Variants in KERA observed in about 807,000 individuals in gnomAD.
KERA encodes the protein keratocan.
A neutral mutation model predicts 26.4 loss-of-function variants in KERA; 25 were observed. That is an observed-to-expected ratio of 0.95 (90% CI 0.69 to 1.32). The LOEUF (loss-of-function observed/expected upper bound fraction) is 1.32, where lower values mean the gene tolerates loss of function less well. Ranked by LOEUF, KERA falls within the 40% of genes most tolerant of loss-of-function variation. KERA has a pLI of 0.00. For missense variants in KERA, 434 were observed against 408.9 expected (o/e 1.06, Z -0.53); for synonymous variants, 167 against 146.1 (o/e 1.14, Z -1.03).
intron 2 of KERA, among the ~76,000 whole-genome samples, chr12:91,053,772 T>C (rs1163352296): frequency 6.6e-6 from 1 of 151,344 alleles, no homozygotes; most frequent in East Asian, 2.0e-4. Flanking sequence ...TAAAGTCTTA[T>C]ACTTCTCAAC....
Position 91,056,000 on chromosome 12 carries a change from G to A in KERA, c.282C>T (p.Ala94=). Residue 94 remains alanine (A), a synonymous_variant, in exon 2 of 3, where the codon GCC becomes GCT. Transcript: ENST00000266719. ...TTAGATTTATCCATCTTAGCTGGGT[G>A]GCATTCTCAAATGGCTTTTCAGGAA... ...ETIPEKPFEN[A]TQLRWINLNK... 6.2e-7 allele frequency: 1 copy of A among 1,610,498 alleles called. No individual in the cohort carries two copies. Among genetic ancestry groups the A allele is most frequent in the Non-Finnish European group, 8.5e-7 (1 of 1,178,024 alleles).
chr12:91,056,660 A>G (rs1879012366), intron 1 of KERA, among the ~76,000 whole-genome samples: 1 of 151,250 alleles, frequency 6.6e-6, no homozygotes, highest in African/African-American at 2.4e-5. Context: ...TTAAAAACTC[A>G]AACTGGGAAT....
chr12:91,056,354 T>A (rs1190728498), intron 1 of KERA, 65 bp from the exon 2 acceptor site: 3 of 1,254,960 alleles, frequency 2.4e-6, no homozygotes, highest in Non-Finnish European at 3.5e-6. Flanking sequence ...ATTTTATACA[T>A]CAAAATGATC....
Position 91,050,680 on chromosome 12 carries a change from CAT to C in KERA, c.*664_*665del, listed in dbSNP as rs1263212408. On this transcript the variant is annotated 3_prime_UTR_variant, in exon 3 of 3. Transcript: ENST00000266719. Reference sequence around the variant, plus strand: ...TCCACAAGAAATGCATTATAATAAACATAAAATTTAGAACTTATAAGAATGCA... The same window carrying C: ...TCCACAAGAAATGCATTATAATAAACAAAATTTAGAACTTATAAGAATGCA... 2 of 151,904 alleles carry C rather than the reference CAT, an allele frequency of 1.3e-5. No homozygotes were observed. Among genetic ancestry groups the C allele is most frequent in the Non-Finnish European group, 3.0e-5 (2 of 67,678 alleles). 9.4% of individuals were successfully genotyped at this position (151,904 alleles called of 1,614,324 possible). A position where few individuals can be genotyped will look rare whatever the true frequency, so the allele number is the denominator to read the frequency against.
Position 91,051,071 on chromosome 12 carries a change from A to C in KERA, c.*275T>G, listed in dbSNP as rs920444089. 3.2e-5 allele frequency: 12 copies of C among 371,566 alleles called. No homozygotes were observed. Among genetic ancestry groups the C allele is most frequent in the Non-Finnish European group, 1.5e-5 (3 of 196,700 alleles). 23.0% of individuals were successfully genotyped at this position (371,566 alleles called of 1,614,324 possible). A position where few individuals can be genotyped will look rare whatever the true frequency, so the allele number is the denominator to read the frequency against. The stretch of plus-strand genomic sequence containing the variant: ...GTAATTGTTTTCTTTAGTGTTAATA[A>C]GCTATGGAAGAGACCAAAATAAAAC... On this transcript the variant is annotated 3_prime_UTR_variant, in exon 3 of 3. Transcript: ENST00000266719.
In KERA at chr12:91,055,636, T is replaced by C. The variant is rs1878979771; in HGVS notation, c.646A>G (p.Met216Val). Residue 216 changes from methionine (M) to valine (V), a missense_variant, in exon 2 of 3, where the codon ATG (methionine) becomes GTG (valine). By Grantham distance (21) the Met-to-Val change is conservative. Transcript: ENST00000266719. ...GAATTGTTGTCTAAAAACAACTGCA[T>C]TGTATTGGCTGGTAATCTTGGAGGC... ...NMPPRLPANTMQLFLDNNSIE... is the reference protein window; with the variant it reads ...NMPPRLPANTVQLFLDNNSIE... The C allele has an allele frequency of 6.2e-7, 1 of 1,611,170 alleles. No homozygotes were observed. The highest frequency in any genetic ancestry group is 2.2e-5 in the East Asian group (1 of 44,800).
At chr12:91,056,457 T>A (rs746552555) in intron 1 of KERA, among the ~76,000 whole-genome samples, 168 bp from the exon 2 acceptor site, 4 of 151,268 alleles carry the variant, frequency 2.6e-5, no homozygotes, top group Non-Finnish European at 4.4e-5. Context: ...AGGCACCATA[T>A]GCAAAGCATT....
chr12:91,054,238 T>C (rs537495911), intron 2 of KERA, among the ~76,000 whole-genome samples: 1 of 151,472 alleles, frequency 6.6e-6, no homozygotes, highest in South Asian at 2.1e-4. Context: ...GGAAAAATAG[T>C]CTGTTCCTAT....
chr12:91,057,120 A>C (rs1267360259), intron 1 of KERA, among the ~76,000 whole-genome samples: 1 of 150,590 alleles, frequency 6.6e-6, no homozygotes, highest in Admixed American at 6.7e-5. Flanking sequence ...GTATTCAACT[A>C]TGCCATTATT....
At position 91,055,816 on chromosome 12, in the gene KERA, T is replaced by G. The variant is rs1454171761; in HGVS notation, c.466A>C (p.Arg156=). The G allele has an allele frequency of 4.3e-6, 7 of 1,611,398 alleles. No homozygotes were observed. Among genetic ancestry groups the G allele is most frequent in the Non-Finnish European group, 5.9e-6 (7 of 1,178,224 alleles). ...TTGCTAAAGGTCCCTTGAGGAATTC[T>G]GGACACCTTATTTCTAGCTAATTGT... ...QLQLARNKVS[R]IPQGTFSNLE... Residue 156 remains arginine, a synonymous_variant, in exon 2 of 3, where the codon AGA becomes CGA. Coordinates refer to ENST00000266719, the MANE Select transcript of KERA (RefSeq NM_007035.4).
rs1368275911 is a variant in KERA, at chr12:91,055,531, C to T, written c.751G>A (p.Asp251Asn). The T allele has an allele frequency of 6.2e-7, 1 of 1,610,160 alleles. No homozygotes were observed. ...FLRLNHNKLS[D>N]EGLPSRGFDV... is the part of the protein sequence containing the mutation. ...AATCCTCTTGATGGGAGACCCTCAT[C>T]TGACAGTTTGTTGTGATTTAGTCTC... Residue 251 changes from aspartate (D) to asparagine (N), a missense_variant, in exon 2 of 3, where the codon GAT (aspartate) becomes AAT (asparagine). Coordinates refer to ENST00000266719, the MANE Select transcript of KERA (RefSeq NM_007035.4).
At position 91,056,038 on chromosome 12, in the gene KERA, G is replaced by A. The variant is rs1263155368; in HGVS notation, c.244C>T (p.Leu82=). The change falls in exon 2 of 3, where the codon CTG becomes TTG. Residue 82 remains leucine (L), a synonymous_variant. Coordinates refer to ENST00000266719, the MANE Select transcript of KERA (RefSeq NM_007035.4). The part of the protein sequence containing the change: ...RIWYLYLQNN[L]IETIPEKPFE... ...GGCTTTTCAGGAATGGTTTCTATCA[G>A]GTTGTTTTGAAGATAAAGATACCAA... 1.2e-6 allele frequency: 2 copies of A among 1,608,938 alleles called. No individual in the cohort carries two copies. The highest frequency in any genetic ancestry group is 1.1e-5 in the South Asian group (1 of 90,618).
At position 91,055,825 on chromosome 12, in the gene KERA, T is replaced by C; in HGVS notation, c.457A>G (p.Lys153Glu). 1 of 1,611,332 alleles carries C rather than the reference T, an allele frequency of 6.2e-7. No homozygotes were observed. Among genetic ancestry groups the C allele is most frequent in the African/African-American group, 1.3e-5 (1 of 74,752 alleles). The change falls in exon 2 of 3, where the codon AAG becomes GAG. Residue 153 changes from lysine to glutamate, a missense_variant. Lys to Glu is a moderately conservative substitution (Grantham distance 56, BLOSUM62 1). Coordinates refer to ENST00000266719, the MANE Select transcript of KERA (RefSeq NM_007035.4). Reference protein sequence around the residue: ...SLEQLQLARNKVSRIPQGTFS... With the variant: ...SLEQLQLARNEVSRIPQGTFS... Reference sequence around the variant, plus strand: ...GTCCCTTGAGGAATTCTGGACACCTTATTTCTAGCTAATTGTAATTGTTCT... The same window carrying C: ...GTCCCTTGAGGAATTCTGGACACCTCATTTCTAGCTAATTGTAATTGTTCT...
intron 2 of KERA, among the ~76,000 whole-genome samples, chr12:91,051,813 T>G (rs1272706023): frequency 1.3e-5 from 2 of 151,532 alleles, no homozygotes; most frequent in Non-Finnish European, 3.0e-5. Flanking sequence ...AGACGTCACT[T>G]GTTTTCTAAA....
chr12:91,054,244 C>G (rs1565744991), intron 2 of KERA, among the ~76,000 whole-genome samples: 2 of 151,310 alleles, frequency 1.3e-5, no homozygotes, highest in Admixed American at 6.6e-5. Context: ...ATAGTCTGTT[C>G]CTATAAATGA....
chr12:91,057,528 G>T (rs1052808931), intron 1 of KERA, among the ~76,000 whole-genome samples: 1 of 150,932 alleles, frequency 6.6e-6, no homozygotes, highest in Non-Finnish European at 1.5e-5. Context: ...CCATTAAATT[G>T]CAGAAAACAA....
At position 91,051,447 on chromosome 12, in the gene KERA, G is replaced by T; in HGVS notation, c.958C>A (p.Pro320Thr). Residue 320 changes from proline (P) to threonine (T), a missense_variant, in exon 3 of 3, where the codon CCT (proline) becomes ACT (threonine). Physicochemically the swap from Pro to Thr is conservative, Grantham distance 38. Transcript: ENST00000266719. Reference protein sequence around the residue: ...PAERDSFSYGPHLRYLRLDGN... With the variant: ...PAERDSFSYGTHLRYLRLDGN... ...TCCAGACGGAGGTAGCGAAGATGAG[G>T]TCCATAACTGAAGGAATCTCGTTCT... The T allele has an allele frequency of 6.2e-7, 1 of 1,610,784 alleles. No homozygotes were observed. The highest frequency in any genetic ancestry group is 2.2e-5 in the East Asian group (1 of 44,808).
In KERA at chr12:91,056,129, A is replaced by G. The variant is rs750783253; in HGVS notation, c.153T>C (p.Ser51=). Residue 51 remains serine, a synonymous_variant, in exon 2 of 3, where the codon AGT becomes AGC. Transcript: ENST00000266719. ...ECPMECFCPP[S]FPTALYCENR... is the part of the protein sequence containing the mutation. ...TTTCACAATATAAAGCAGTAGGAAA[A>G]CTGGGTGGGCAGAAACATTCCATGG... The G allele has an allele frequency of 6.2e-7, 1 of 1,610,466 alleles. No homozygotes were observed. Among genetic ancestry groups the G allele is most frequent in the Non-Finnish European group, 8.5e-7 (1 of 1,177,926 alleles).
Position 91,055,801 on chromosome 12 carries a change from T to A in KERA, c.481A>T (p.Thr161Ser), listed in dbSNP as rs760491672. ...GTCAGGTTCTCCAGATTGCTAAAGG[T>A]CCCTTGAGGAATTCTGGACACCTTA... ...RNKVSRIPQGTFSNLENLTLL... is the reference protein window; with the variant it reads ...RNKVSRIPQGSFSNLENLTLL... The change falls in exon 2 of 3, where the codon ACC becomes TCC. Residue 161 changes from threonine (T) to serine (S), a missense_variant. Transcript: ENST00000266719. The A allele has an allele frequency of 8.1e-6, 13 of 1,611,214 alleles. No individual in the cohort carries two copies. The South Asian group carries it at 9.9e-5, about 12-fold the overall frequency.
Sources: allele counts gnomAD v4.1 joint callset (sites outside exome capture counted in the v4.1 genomes callset), GRCh38; gene constraint gnomAD v4.1.1; transcripts MANE v1.5; gene names NCBI Gene and HGNC (gene_info 2026-07-23, HGNC 2026-07-21).